The following EFEMP1 variants were observed in gnomAD, a reference collection of about 807,000 sequenced individuals.
EFEMP1 encodes the protein EGF-like fibulin extracellular matrix protein 1.
EFEMP1 carries 18 observed loss-of-function variants against 65.7 expected under a neutral mutation model. The ratio of observed to expected loss-of-function variants is 0.27; its 90% confidence interval spans 0.19 to 0.41. The LOEUF (loss-of-function observed/expected upper bound fraction) is 0.41, where lower values mean the gene tolerates loss of function less well. Among genes scored for constraint, EFEMP1 ranks in the 10% least tolerant of loss-of-function variants. EFEMP1 has a pLI of 1.00. For missense variants in EFEMP1, 469 were observed against 624.8 expected, an observed-to-expected ratio of 0.75 and a Z score of 2.66; for synonymous variants, 237 against 219.7, an observed-to-expected ratio of 1.08 and a Z score of -0.70.
intron 5 of EFEMP1, among the ~76,000 whole-genome samples, chr2:55,916,587 C>T (rs980203298): frequency 1.4e-4 from 21 of 152,202 alleles, no homozygotes; most frequent in Non-Finnish European, 1.2e-4. Context: ...GTGCTCTCTT[C>T]CTTACACATG....
chr2:55,908,219 C>G (rs1670354010), intron 5 of EFEMP1, among the ~76,000 whole-genome samples: 1 of 152,148 alleles, frequency 6.6e-6, no homozygotes. Flanking sequence ...AGGGAAATGT[C>G]CAAGGTAAGA....
chr2:55,869,124 G>C (rs1558456361), intron 11 of EFEMP1, among the ~76,000 whole-genome samples: 1 of 152,058 alleles, frequency 6.6e-6, no homozygotes, highest in African/African-American at 2.4e-5. Flanking sequence ...AAAATATGAA[G>C]TCGGTAAGTG....
chr2:55,905,163 G>T (rs1032200261), intron 5 of EFEMP1, among the ~76,000 whole-genome samples: 1 of 151,920 alleles, frequency 6.6e-6, no homozygotes, highest in African/African-American at 2.4e-5. Flanking sequence ...AAATAAACAG[G>T]TCTGTTGCTT....
At chr2:55,913,206 C>A (rs1670547674) in intron 5 of EFEMP1, among the ~76,000 whole-genome samples, 1 of 152,166 alleles carries the variant, frequency 6.6e-6, no homozygotes. Context: ...GCTAGGGGCT[C>A]AACCATCCTA....
intron 5 of EFEMP1, among the ~76,000 whole-genome samples, chr2:55,901,843 A>G (rs567039028): frequency 6.6e-6 from 1 of 152,222 alleles, no homozygotes; most frequent in South Asian, 2.1e-4. Context: ...TGGTCTTATT[A>G]GCATCCTCTC....
chr2:55,868,582 TC>T, intron 11 of EFEMP1, among the ~76,000 whole-genome samples: 1 of 152,274 alleles, frequency 6.6e-6, no homozygotes, highest in East Asian at 1.9e-4. Flanking sequence ...AATTTTATAT[TC>T]CACATATCCT....
chr2:55,908,562 A>C (rs1419713659), intron 5 of EFEMP1, among the ~76,000 whole-genome samples: 1 of 152,114 alleles, frequency 6.6e-6, no homozygotes, highest in African/African-American at 2.4e-5. Flanking sequence ...TATATTTCAA[A>C]ACTGCTAAGC....
chr2:55,916,144 CTG>C (rs948206823), intron 5 of EFEMP1, among the ~76,000 whole-genome samples: 1 of 144,414 alleles, frequency 6.9e-6, no homozygotes, highest in Non-Finnish European at 1.5e-5. Flanking sequence ...GAGTCTCACT[CTG>C]TTGCCCAGGC....
intron 5 of EFEMP1, among the ~76,000 whole-genome samples, chr2:55,893,740 G>A (rs1250573863): frequency 6.6e-6 from 1 of 152,146 alleles, no homozygotes; most frequent in Non-Finnish European, 1.5e-5. Context: ...ATGGAAGGAA[G>A]CAAGAACACT....
chr2:55,870,673 A>C lies in EFEMP1; in HGVS notation c.1320+47T>G. The C allele has an allele frequency of 3.1e-6, 5 of 1,601,166 alleles. No homozygotes were observed. Among genetic ancestry groups the C allele is most frequent in the Non-Finnish European group, 4.3e-6 (5 of 1,170,900 alleles). On this transcript the variant is annotated intron_variant, in intron 11 of 11. Transcript: ENST00000355426. The surrounding 1 kb of genome is among the most constrained non-coding windows in gnomAD (Gnocchi z 5.8). ...CAACAACAACAACAACAACAACAAC[A>C]AACTCCCATCTTTCTCAATAGTTAA...
intron 11 of EFEMP1, among the ~76,000 whole-genome samples, chr2:55,868,814 G>C (rs1217655096): frequency 6.6e-6 from 1 of 152,112 alleles, no homozygotes; most frequent in Non-Finnish European, 1.5e-5. Context: ...ATAGAGCTGA[G>C]CATGTAGTAG....
At chr2:55,872,721 G>A (rs1466610443) in intron 9 of EFEMP1, among the ~76,000 whole-genome samples, 1 of 152,054 alleles carries the variant, frequency 6.6e-6, no homozygotes, top group African/African-American at 2.4e-5. Flanking sequence ...GTCTCCAAGA[G>A]ACAGTTACAA....
chr2:55,893,523 T>C (rs2104412067), intron 5 of EFEMP1, among the ~76,000 whole-genome samples: 1 of 152,298 alleles, frequency 6.6e-6, no homozygotes, highest in African/African-American at 2.4e-5. Flanking sequence ...GGGAAAGTTA[T>C]TTGACTTTTC....
At chr2:55,899,855 TAA>T (rs1669966348) in intron 5 of EFEMP1, among the ~76,000 whole-genome samples, 1 of 152,200 alleles carries the variant, frequency 6.6e-6, no homozygotes, top group South Asian at 2.1e-4. Context: ...TAGGACAGAA[TAA>T]GTCTTATTCA....
At chr2:55,887,909 C>T (rs952222408) in intron 5 of EFEMP1, among the ~76,000 whole-genome samples, 1 of 152,136 alleles carries the variant, frequency 6.6e-6, no homozygotes, top group African/African-American at 2.4e-5. Context: ...CATGCTACTT[C>T]GAATTGCTTT....
chr2:55,915,900 A>C (rs1053974067), intron 5 of EFEMP1, among the ~76,000 whole-genome samples: 3 of 152,118 alleles, frequency 2.0e-5, no homozygotes, highest in African/African-American at 7.2e-5. Context: ...CCTTAAATTC[A>C]ATATCAGAAT....
In EFEMP1 at chr2:55,918,965, C is replaced by T. The variant is rs573951448; in HGVS notation, c.82-698G>A. ...AGGAGACAGATAGGTAGACAAGTTG[C>T]AGCAAGATGGCAGGTGCCTTCTACA... On this transcript the variant is annotated intron_variant, in intron 3 of 11. Coordinates refer to ENST00000355426, the MANE Select transcript of EFEMP1 (RefSeq NM_001039348.3). Among the ~76,000 whole-genome samples, 3 of 152,290 alleles carry T rather than the reference C, an allele frequency of 2.0e-5. No homozygotes were observed. In the East Asian group the frequency reaches 5.8e-4, roughly 29 times the overall value.
At chr2:55,907,966 C>T (rs1210827143) in intron 5 of EFEMP1, among the ~76,000 whole-genome samples, 4 of 152,184 alleles carry the variant, frequency 2.6e-5, no homozygotes, top group African/African-American at 9.7e-5. Flanking sequence ...TTCCCTACGT[C>T]ACTCTTATTT....
At chr2:55,889,773 A>C (rs933029548) in intron 5 of EFEMP1, among the ~76,000 whole-genome samples, 2 of 151,908 alleles carry the variant, frequency 1.3e-5, no homozygotes, top group Non-Finnish European at 1.5e-5. Flanking sequence ...AATTTTGATA[A>C]GTCATGGATG....
Sources: allele counts gnomAD v4.1 joint callset (sites outside exome capture counted in the v4.1 genomes callset), GRCh38; gene constraint gnomAD v4.1.1; non-coding constraint Gnocchi (gnomAD v3.1); transcripts MANE v1.5; gene names NCBI Gene and HGNC (gene_info 2026-07-23, HGNC 2026-07-21).